SH3D19: variants seen among roughly 807,000 people sequenced by gnomAD.
The protein encoded by SH3D19 is SH3 domain containing 19.
SH3D19 carries 58 observed loss-of-function variants against 112.1 expected under a neutral mutation model. That is an observed-to-expected ratio of 0.52 (90% CI 0.42 to 0.64). SH3D19 has a LOEUF of 0.64. Among genes scored for constraint, SH3D19 ranks in the 30% least tolerant of loss-of-function variants. The probability of loss-of-function intolerance (pLI) is 0.00; values close to 1 mark genes in which losing one functional copy is unlikely to be tolerated. For synonymous variants in SH3D19, 391 were observed against 448.5 expected (o/e 0.87, Z 1.62); for missense variants, 1,090 against 1,263.4 (o/e 0.86, Z 2.08).
chr4:151,157,330 A>T (rs768053747), intron 9 of SH3D19, among the ~76,000 whole-genome samples: 4 of 152,132 alleles, frequency 2.6e-5, no homozygotes, highest in South Asian at 2.1e-4. Flanking sequence ...CAAATACATT[A>T]AAAAATGCTC....
intron 2 of SH3D19, among the ~76,000 whole-genome samples, chr4:151,191,201 G>A (rs1167816194): frequency 2.0e-5 from 3 of 152,212 alleles, no homozygotes; most frequent in East Asian, 1.9e-4. Context: ...TATCTAGGAA[G>A]TAACTAACTT....
intron 1 of SH3D19, among the ~76,000 whole-genome samples, chr4:151,306,485 T>C (rs1036914701): frequency 6.6e-6 from 1 of 152,102 alleles, no homozygotes; most frequent in African/African-American, 2.4e-5. Context: ...TGCTAAAAAG[T>C]TGGTACTTTT....
Position 151,285,027 on chromosome 4 carries a change from A to G in SH3D19, c.112+40214T>C, listed in dbSNP as rs1774612456. Among the ~76,000 whole-genome samples, 3 of 152,060 alleles carry G rather than the reference A, an allele frequency of 2.0e-5. No individual in the cohort carries two copies. The South Asian group carries it at 6.2e-4, about 32-fold the overall frequency. ...TCCTCTAATTCCTCAAGTCAGTAAG[A>G]CTGTGGGTTTCTTTTACCAGCCACT... is the stretch of plus-strand genomic sequence containing the variant. On this transcript the variant is annotated intron_variant, in intron 1 of 19. Coordinates refer to ENST00000604030, the MANE Select transcript of SH3D19 (RefSeq NM_001378122.1).
chr4:151,121,220 C>T lies in SH3D19; in HGVS notation c.*871G>A, dbSNP rs1004606794. 4 of 152,540 alleles carry T rather than the reference C, an allele frequency of 2.6e-5. No individual in the cohort carries two copies. Among genetic ancestry groups the T allele is most frequent in the Admixed American group, 6.6e-5 (1 of 15,264 alleles). The allele number at this position is 152,540 out of a possible 1,614,324, so 9.4% of individuals were successfully genotyped here. On this transcript the variant is annotated 3_prime_UTR_variant, in exon 20 of 20. Transcript: ENST00000604030. Reference sequence around the variant, plus strand: ...TTCATAATGTACTACTATAACAAGACACAGTTTTTATATATTACTGGAATA... The same window carrying T: ...TTCATAATGTACTACTATAACAAGATACAGTTTTTATATATTACTGGAATA...
intron 11 of SH3D19, chr4:151,144,289 C>A: frequency 6.2e-7 from 1 of 1,613,696 alleles, no homozygotes; most frequent in Non-Finnish European, 8.5e-7. Flanking sequence ...GCACAGACAG[C>A]TTAAACGTAA....
chr4:151,214,312 C>T (rs1252616777), intron 2 of SH3D19, among the ~76,000 whole-genome samples: 2 of 150,634 alleles, frequency 1.3e-5, no homozygotes, highest in South Asian at 2.1e-4. Context: ...CAATCTTTTC[C>T]CCACCTTTCC....
intron 8 of SH3D19, among the ~76,000 whole-genome samples, chr4:151,160,078 G>C (rs1380101209): frequency 2.0e-5 from 3 of 147,630 alleles, no homozygotes; most frequent in Non-Finnish European, 1.5e-5. Flanking sequence ...AATTCAATGT[G>C]TTTTATTTCT....
At chr4:151,130,357 G>A (rs1750366222) in intron 17 of SH3D19, among the ~76,000 whole-genome samples, 1 of 151,976 alleles carries the variant, frequency 6.6e-6, no homozygotes, top group Non-Finnish European at 1.5e-5. Flanking sequence ...GATTGCTTGA[G>A]CCTGGGAAGC....
intron 1 of SH3D19, among the ~76,000 whole-genome samples, chr4:151,250,276 T>C (rs1458319954): frequency 6.6e-6 from 1 of 152,202 alleles, no homozygotes; most frequent in Non-Finnish European, 1.5e-5. Context: ...AGGTTACTTC[T>C]GTATGTGGAA....
chr4:151,270,880 ACAAAGGCAAAAGC>A (rs959791782), intron 1 of SH3D19, among the ~76,000 whole-genome samples: 87 of 152,354 alleles, frequency 5.7e-4, no homozygotes, highest in African/African-American at 2.0e-3. Context: ...CTTTTAGTAC[ACAAAGGCAAAAGC>A]CAAGGCCTGA....
intron 1 of SH3D19, among the ~76,000 whole-genome samples, chr4:151,321,901 A>G (rs1324528530): frequency 6.6e-6 from 1 of 152,150 alleles, no homozygotes; most frequent in Non-Finnish European, 1.5e-5. Flanking sequence ...CTTGTTTGTA[A>G]TGGGCATTTG....
intron 1 of SH3D19, among the ~76,000 whole-genome samples, chr4:151,251,032 T>G (rs1771338553): frequency 6.6e-6 from 1 of 152,132 alleles, no homozygotes; most frequent in Non-Finnish European, 1.5e-5. Flanking sequence ...TCACTGCCTT[T>G]TCATCATAAT....
At chr4:151,153,599 A>AT (rs199716369) in intron 9 of SH3D19, among the ~76,000 whole-genome samples, 3,083 of 152,114 alleles carry the variant, frequency 0.02, 40 homozygotes, top group Non-Finnish European at 0.033. Flanking sequence ...AGTAATTGTA[A>AT]TTTTTTTTAA....
chr4:151,143,423 G>A (rs1440534264), intron 12 of SH3D19, among the ~76,000 whole-genome samples: 4 of 152,002 alleles, frequency 2.6e-5, no homozygotes. Flanking sequence ...GCTAAAGTAA[G>A]GATTTTCATA....
intron 2 of SH3D19, among the ~76,000 whole-genome samples, chr4:151,215,939 C>T (rs1767014854): frequency 6.6e-6 from 1 of 152,080 alleles, no homozygotes; most frequent in Non-Finnish European, 1.5e-5. Context: ...GATTTTCCTG[C>T]CTCAAGCCTC....
intron 1 of SH3D19, among the ~76,000 whole-genome samples, chr4:151,247,276 C>A (rs1771010453): frequency 1.3e-5 from 2 of 152,022 alleles, no homozygotes; most frequent in Admixed American, 1.3e-4. Context: ...GAACTGGAAG[C>A]CTTCCTTCAT....
Position 151,239,162 on chromosome 4 carries a change from A to G in SH3D19, c.113-13076T>C, listed in dbSNP as rs1580304008. Among the ~76,000 whole-genome samples the G allele has an allele frequency of 3.9e-5, 6 of 152,290 alleles. 1 individual carries two copies. Among genetic ancestry groups the G allele is most frequent in the Admixed American group, 3.9e-4 (6 of 15,296 alleles). On this transcript the variant is annotated intron_variant, in intron 1 of 19. Transcript: ENST00000604030. ...ATGCCCTCCACCTCGACATCTATAT[A>G]TTCAGTGCTTAGCACCTATGGGCAC...
At chr4:151,279,455 T>C (rs1773973730) in intron 1 of SH3D19, among the ~76,000 whole-genome samples, 1 of 152,176 alleles carries the variant, frequency 6.6e-6, no homozygotes, top group African/African-American at 2.4e-5. Context: ...CATTTGAAAA[T>C]TTTGGCCTTT....
chr4:151,224,573 C>T (rs1307460395), intron 2 of SH3D19, among the ~76,000 whole-genome samples: 1 of 152,128 alleles, frequency 6.6e-6, no homozygotes, highest in Non-Finnish European at 1.5e-5. Flanking sequence ...ATTCATATTG[C>T]TCAGTTCAGT....
Sources: allele counts gnomAD v4.1 joint callset (sites outside exome capture counted in the v4.1 genomes callset), GRCh38; gene constraint gnomAD v4.1.1; transcripts MANE v1.5; gene names NCBI Gene and HGNC (gene_info 2026-07-23, HGNC 2026-07-21).